Variants in ZNF710 observed in about 807,000 individuals in gnomAD.
ZNF710 encodes the protein zinc finger protein 710.
Under a neutral mutation model 50.6 loss-of-function variants are expected in ZNF710, and 13 were observed. The ratio of observed to expected loss-of-function variants is 0.26; its 90% confidence interval spans 0.17 to 0.41. The LOEUF (loss-of-function observed/expected upper bound fraction) is 0.41, where lower values mean the gene tolerates loss of function less well. Among genes scored for constraint, ZNF710 ranks in the 10% least tolerant of loss-of-function variants. The pLI is 1.00. For missense variants in ZNF710, 721 were observed against 936.6 expected (o/e 0.77, Z 3.01); for synonymous variants, 383 against 397.0 (o/e 0.96, Z 0.42).
At chr15:90,019,753 C>T (rs1673132439) in intron 1 of ZNF710, among the ~76,000 whole-genome samples, 2 of 152,218 alleles carry the variant, frequency 1.3e-5, no homozygotes, top group African/African-American at 4.8e-5. Context: ...CCTGTCTTGC[C>T]TCCCATGACC....
In ZNF710 at chr15:90,079,930, G is replaced by A. The variant is rs1461217915; in HGVS notation, c.*101G>A. ...TCCTGCAGCCGAGAAACAAGCTACTGCCCCACTGTTCTGAGCCCTCCCTCC... is the reference window on the plus strand; with the variant it reads ...TCCTGCAGCCGAGAAACAAGCTACTACCCCACTGTTCTGAGCCCTCCCTCC... On this transcript the variant is annotated 3_prime_UTR_variant, in exon 5 of 5. Transcript: ENST00000268154. 8 of 1,185,440 alleles carry A rather than the reference G, an allele frequency of 6.7e-6. No individual in the cohort carries two copies. The highest frequency in any genetic ancestry group is 9.2e-6 in the Non-Finnish European group (8 of 873,790). The allele number at this position is 1,185,440 out of a possible 1,614,324, so 73.4% of individuals were successfully genotyped here.
rs1477318002 is a variant in ZNF710 at position 90,001,527 on chromosome 15, G to A, written c.-116G>A. On this transcript the variant is annotated 5_prime_UTR_variant, in exon 1 of 5. Transcript: ENST00000268154. ...GGCGGGCGGCGGGCGCACAGCAGCAGCCCGGGCGGTGGGCAGCCAGGAGCC... is the reference window on the plus strand; with the variant it reads ...GGCGGGCGGCGGGCGCACAGCAGCAACCCGGGCGGTGGGCAGCCAGGAGCC... 1 of 148,184 alleles carries A rather than the reference G, an allele frequency of 6.7e-6. No homozygotes were observed. The highest frequency in any genetic ancestry group is 1.5e-5 in the Non-Finnish European group (1 of 66,520). 9.2% of individuals were successfully genotyped at this position (148,184 alleles called of 1,614,324 possible).
intron 1 of ZNF710, among the ~76,000 whole-genome samples, chr15:90,041,892 A>AGTTTTTT (rs1899305144): frequency 9.0e-6 from 1 of 110,600 alleles, no homozygotes; most frequent in Non-Finnish European, 1.9e-5. Context: ...TTTGTTTTTG[A>AGTTTTTT]TTTTTTTTTT....
chr15:90,058,236 G>A (rs2151515332), intron 1 of ZNF710, among the ~76,000 whole-genome samples: 1 of 152,294 alleles, frequency 6.6e-6, no homozygotes, highest in South Asian at 2.1e-4. Context: ...CCATTAGCAG[G>A]GGAAGGCAAG....
At chr15:90,030,623 C>G (rs567315521) in intron 1 of ZNF710, among the ~76,000 whole-genome samples, 3 of 152,104 alleles carry the variant, frequency 2.0e-5, no homozygotes, top group Admixed American at 2.0e-4. Context: ...GCAGGCCCAT[C>G]TGGGTGGGAA....
chr15:90,005,299 G>A (rs904180260), intron 1 of ZNF710, among the ~76,000 whole-genome samples: 1 of 152,198 alleles, frequency 6.6e-6, no homozygotes, highest in Non-Finnish European at 1.5e-5. Flanking sequence ...GGGACAGGGA[G>A]GTGATTGATG....
At chr15:90,033,682 C>T (rs1444736309) in intron 1 of ZNF710, among the ~76,000 whole-genome samples, 1 of 152,184 alleles carries the variant, frequency 6.6e-6, no homozygotes, top group Non-Finnish European at 1.5e-5. Context: ...ACTCAGCCTC[C>T]CAAGTAGCTG....
intron 1 of ZNF710, among the ~76,000 whole-genome samples, chr15:90,054,558 T>C (rs941890008): frequency 6.6e-6 from 1 of 152,156 alleles, no homozygotes; most frequent in Non-Finnish European, 1.5e-5. Context: ...TCCACGTCTG[T>C]ATAATGGAAA....
chr15:90,021,542 T>G (rs1460995825), intron 1 of ZNF710, among the ~76,000 whole-genome samples: 1 of 152,188 alleles, frequency 6.6e-6, no homozygotes, highest in Non-Finnish European at 1.5e-5. Flanking sequence ...AAATCGCCCT[T>G]TGTTCTCTCT....
chr15:90,009,299 G>T (rs1898235760), intron 1 of ZNF710, among the ~76,000 whole-genome samples: 2 of 151,984 alleles, frequency 1.3e-5, no homozygotes, highest in Non-Finnish European at 2.9e-5. Context: ...GAAGCATCAG[G>T]TACCCTTTGG....
intron 1 of ZNF710, among the ~76,000 whole-genome samples, chr15:90,053,433 C>T (rs565946435): frequency 6.6e-6 from 1 of 151,992 alleles, no homozygotes; most frequent in East Asian, 1.9e-4. Flanking sequence ...ACTGCAACCT[C>T]GACCTCCCAG....
At chr15:90,020,783 G>T (rs1445234541) in intron 1 of ZNF710, among the ~76,000 whole-genome samples, 1 of 152,112 alleles carries the variant, frequency 6.6e-6, no homozygotes. Flanking sequence ...TTATCTGCCC[G>T]GTCCTCCCTC....
Position 90,067,606 on chromosome 15 carries a change from A to G in ZNF710, c.469A>G (p.Lys157Glu), listed in dbSNP as rs772657928. The G allele has an allele frequency of 6.2e-7, 1 of 1,611,432 alleles. No homozygotes were observed. Among genetic ancestry groups the G allele is most frequent in the East Asian group, 2.2e-5 (1 of 44,760 alleles). The change falls in exon 2 of 5, where the codon AAG becomes GAG. Residue 157 changes from lysine to glutamate, a missense_variant. Transcript: ENST00000268154. This position sits in a 1 kb window ranked among gnomAD's most constrained non-coding sequence, Gnocchi z 8.1. ...CDALVQSSAV[K>E]MIDLSAFSRK... ...CGCCCTGGTGCAGAGCAGCGCCGTCAAGATGATCGACCTCAGCGCCTTCAG... is the reference window on the plus strand; with the variant it reads ...CGCCCTGGTGCAGAGCAGCGCCGTCGAGATGATCGACCTCAGCGCCTTCAG...
At chr15:90,056,245 A>G (rs1170867860) in intron 1 of ZNF710, among the ~76,000 whole-genome samples, 2 of 152,062 alleles carry the variant, frequency 1.3e-5, no homozygotes, top group Non-Finnish European at 2.9e-5. Context: ...CCCCGTCTCT[A>G]CTAAAGATAC....
intron 1 of ZNF710, among the ~76,000 whole-genome samples, chr15:90,008,815 A>T (rs1279596755): frequency 6.6e-6 from 1 of 151,914 alleles, no homozygotes; most frequent in Non-Finnish European, 1.5e-5. Context: ...CGCAATCACC[A>T]TTGTAAAGGA....
chr15:90,012,531 A>G (rs1414589637), intron 1 of ZNF710, among the ~76,000 whole-genome samples: 2 of 151,904 alleles, frequency 1.3e-5, no homozygotes, highest in African/African-American at 4.8e-5. Context: ...CGGCCTCCCA[A>G]AGTGCTGGGA....
At chr15:90,074,350 G>A (rs751815403) in intron 4 of ZNF710, 60 bp downstream of exon 4, 3 of 1,600,440 alleles carry the variant, frequency 1.9e-6, no homozygotes, top group Non-Finnish European at 2.5e-6. Flanking sequence ...GCACTCAGGA[G>A]CCTCCTGCCC....
At chr15:90,017,231 AG>A (rs1290921409) in intron 1 of ZNF710, among the ~76,000 whole-genome samples, 1 of 152,230 alleles carries the variant, frequency 6.6e-6, no homozygotes, top group East Asian at 1.9e-4. Flanking sequence ...CTTTAATTAA[AG>A]GGAGGGAGAG....
At chr15:90,071,896 G>A (rs563892639) in intron 2 of ZNF710, among the ~76,000 whole-genome samples, 5 of 152,074 alleles carry the variant, frequency 3.3e-5, no homozygotes, top group East Asian at 1.9e-4. Context: ...GCCTGGTCTC[G>A]AACTCCTGAC....
Sources: allele counts gnomAD v4.1 joint callset (sites outside exome capture counted in the v4.1 genomes callset), GRCh38; gene constraint gnomAD v4.1.1; non-coding constraint Gnocchi (gnomAD v3.1); transcripts MANE v1.5; gene names NCBI Gene and HGNC (gene_info 2026-07-23, HGNC 2026-07-21).